The following PLOD2 variants were observed in gnomAD, a reference collection of about 807,000 sequenced individuals.
PLOD2 encodes the protein lysine hydroxylase 2.
In PLOD2, 65 loss-of-function variants were observed where a neutral mutation model predicts 101.0. That is an observed-to-expected ratio of 0.64 (90% confidence interval 0.53 to 0.79). The LOEUF (loss-of-function observed/expected upper bound fraction) is 0.79. Ranked by LOEUF, PLOD2 falls within the 30% of genes least tolerant of loss-of-function variation. PLOD2 has a pLI of 0.00. For missense variants in PLOD2, 909 were observed against 914.6 expected (o/e 0.99, Z 0.08); for synonymous variants, 314 against 302.9 (o/e 1.04, Z -0.38).
rs1025247984 is a variant in PLOD2 at position 146,069,994 on chromosome 3, G to A, written c.*723C>T. ...TGATAATACTTTAAGAAATGGAAAG[G>A]TTTTCCTAAATCTAATACCTGCTTA... On this transcript the variant is annotated 3_prime_UTR_variant, in exon 20 of 20. Transcript: ENST00000282903. The A allele has an allele frequency of 2.0e-5, 3 of 151,930 alleles. No individual in the cohort carries two copies. Among genetic ancestry groups the A allele is most frequent in the African/African-American group, 7.2e-5 (3 of 41,390 alleles). The allele number at this position is 151,930 out of a possible 1,614,324, so 9.4% of individuals were successfully genotyped here. A position where few individuals can be genotyped will look rare whatever the true frequency, so the allele number is the denominator to read the frequency against.
Position 146,099,570 on chromosome 3 carries a change from T to TC in PLOD2, c.777+3184dup, listed in dbSNP as rs1193405771. Among the ~76,000 whole-genome samples, 27 of 152,132 alleles carry TC rather than the reference T, an allele frequency of 1.8e-4. No homozygotes were observed. In the East Asian group the frequency reaches 4.1e-3, roughly 23 times the overall value. ...TGCCTAATTTTTTTTCTTTTTTTTT[T>TC]CTTTGTATTTTTAGTAGAGACAGGG... On this transcript the variant is annotated intron_variant, in intron 7 of 19. Transcript: ENST00000282903.
At chr3:146,106,770 T>C (rs1937541678) in intron 4 of PLOD2, 126 bp from the exon 5 acceptor site, 1 of 714,464 alleles carries the variant, frequency 1.4e-6, no homozygotes, top group African/African-American at 1.7e-5. Context: ...GGCTGGAATT[T>C]CACAGCTCAC....
chr3:146,139,138 G>C (rs979519597), intron 1 of PLOD2, among the ~76,000 whole-genome samples: 1 of 152,134 alleles, frequency 6.6e-6, no homozygotes, highest in African/African-American at 2.4e-5. Flanking sequence ...CGGTAGTAAA[G>C]GAGGTAAAAA....
At chr3:146,148,334 G>GCAGGCACACACA (rs111340998) in intron 1 of PLOD2, among the ~76,000 whole-genome samples, 4 of 25,504 alleles carry the variant, frequency 1.6e-4, no homozygotes, top group African/African-American at 4.3e-4. Context: ...AGGCAGGCAG[G>GCAGGCACACACA]CACGCACACA....
chr3:146,086,847 G>C lies in PLOD2; in HGVS notation c.1067C>G (p.Thr356Ser). 6.5e-7 allele frequency: 1 copy of C among 1,536,108 alleles called. No individual in the cohort carries two copies. The highest frequency in any genetic ancestry group is 8.9e-7 in the Non-Finnish European group (1 of 1,122,810). Residue 356 changes from threonine (T) to serine (S), a missense_variant, in exon 10 of 20, where the codon ACT becomes AGT. Coordinates refer to ENST00000282903, the MANE Select transcript of PLOD2 (RefSeq NM_182943.3). ...TTCTTCTGGTCCTACTATTTTTATA[G>C]TTTTGATTTCATGCTTAGCTTTATC... ...FFDKAKHEIKTIKIVGPEENL... is the reference protein window; with the variant it reads ...FFDKAKHEIKSIKIVGPEENL...
At chr3:146,119,051 G>A (rs1382641013) in intron 3 of PLOD2, among the ~76,000 whole-genome samples, 2 of 152,082 alleles carry the variant, frequency 1.3e-5, no homozygotes, top group Non-Finnish European at 2.9e-5. Context: ...ATGTTGAAAC[G>A]TAACCCTCAG....
intron 1 of PLOD2, among the ~76,000 whole-genome samples, chr3:146,156,386 C>T (rs1394131582): frequency 6.6e-6 from 1 of 152,274 alleles, no homozygotes; most frequent in African/African-American, 2.4e-5. Flanking sequence ...GTAACTACTA[C>T]TCAGCTCTGC....
chr3:146,078,237 C>T (rs547411655), intron 13 of PLOD2, among the ~76,000 whole-genome samples: 33 of 151,692 alleles, frequency 2.2e-4, no homozygotes, highest in Non-Finnish European at 3.2e-4. Context: ...TTCCATGATG[C>T]GCTGTTGAGT....
intron 6 of PLOD2, among the ~76,000 whole-genome samples, 160 bp from the exon 7 acceptor site, chr3:146,103,012 C>T (rs1016268337): frequency 6.6e-6 from 1 of 152,154 alleles, no homozygotes; most frequent in African/African-American, 2.4e-5. Context: ...TTCATCTACT[C>T]CAAGCCAGCA....
chr3:146,132,203 G>A (rs1477731034), intron 1 of PLOD2, among the ~76,000 whole-genome samples: 1 of 152,092 alleles, frequency 6.6e-6, no homozygotes, highest in East Asian at 1.9e-4. Flanking sequence ...AGTATGCCCA[G>A]GGCTGAGGAG....
chr3:146,096,632 G>T (rs1447508519), intron 7 of PLOD2, among the ~76,000 whole-genome samples: 1 of 108,288 alleles, frequency 9.2e-6, no homozygotes, highest in African/African-American at 3.8e-5. Flanking sequence ...GAGAAGTGAG[G>T]AAACCCTCTG....
At chr3:146,148,295 T>C (rs1180390411) in intron 1 of PLOD2, among the ~76,000 whole-genome samples, 2 of 150,604 alleles carry the variant, frequency 1.3e-5, no homozygotes, top group Non-Finnish European at 2.9e-5. Context: ...AAATATCTAA[T>C]AGATATCTAA....
intron 7 of PLOD2, 142 bp from the exon 8 acceptor site, chr3:146,092,043 GCA>G: frequency 1.5e-6 from 1 of 648,930 alleles, no homozygotes; most frequent in South Asian, 1.7e-5. Flanking sequence ...ATCTGTAGGT[GCA>G]CACTGAATAG....
At chr3:146,091,381 T>G (rs1423083361) in intron 8 of PLOD2, among the ~76,000 whole-genome samples, 3 of 151,926 alleles carry the variant, frequency 2.0e-5, no homozygotes, top group Non-Finnish European at 4.4e-5. Flanking sequence ...ATATGTAAAG[T>G]AGTTAAAACA....
chr3:146,131,769 T>G (rs2030924401), intron 1 of PLOD2, among the ~76,000 whole-genome samples: 1 of 152,214 alleles, frequency 6.6e-6, no homozygotes. Context: ...TTTTGTTGCT[T>G]TGTTAAGTAC....
intron 7 of PLOD2, among the ~76,000 whole-genome samples, chr3:146,093,961 C>T (rs901145311): frequency 6.6e-6 from 1 of 151,870 alleles, no homozygotes; most frequent in Non-Finnish European, 1.5e-5. Context: ...TAGAAACTTC[C>T]CTCTTTTGGA....
intron 1 of PLOD2, among the ~76,000 whole-genome samples, chr3:146,148,785 A>C (rs1272617051): frequency 6.6e-6 from 1 of 152,240 alleles, no homozygotes; most frequent in African/African-American, 2.4e-5. Flanking sequence ...TGATTACTGA[A>C]GTAACCAGCT....
chr3:146,138,616 C>A (rs1291158031), intron 1 of PLOD2, among the ~76,000 whole-genome samples: 1 of 151,964 alleles, frequency 6.6e-6, no homozygotes, highest in Non-Finnish European at 1.5e-5. Flanking sequence ...CAGCAGGCAT[C>A]CAGAATGGCC....
At chr3:146,117,897 A>C (rs1030455573) in intron 3 of PLOD2, among the ~76,000 whole-genome samples, 1 of 152,052 alleles carries the variant, frequency 6.6e-6, no homozygotes, top group African/African-American at 2.4e-5. Flanking sequence ...TAGGTCCCTC[A>C]CTATACCAGT....
Sources: gnomAD v4.1 joint callset for allele counts (sites outside exome capture counted in the v4.1 genomes callset) on GRCh38, gnomAD v4.1.1 for gene constraint, MANE v1.5 for transcripts, NCBI Gene and HGNC (gene_info 2026-07-23, HGNC 2026-07-21) for gene names.